The following HELZ variants were observed in gnomAD, a reference collection of about 807,000 sequenced individuals.
The protein encoded by HELZ is ATP-dependent RNA helicase with zinc finger domain.
HELZ carries 23 observed loss-of-function variants against 218.2 expected under a neutral mutation model. The ratio of observed to expected loss-of-function variants is 0.11; its 90% CI spans 0.08 to 0.15. The LOEUF (loss-of-function observed/expected upper bound fraction) is 0.15. Among genes scored for constraint, HELZ ranks in the 10% least tolerant of loss-of-function variants. The pLI is 1.00. For missense variants in HELZ, 1,813 were observed against 2,353.7 expected, an observed-to-expected ratio of 0.77 and a Z score of 4.75; for synonymous variants, 814 against 829.4, an observed-to-expected ratio of 0.98 and a Z score of 0.32.
chr17:67,193,344 C>CAAAA (rs34516607), intron 9 of HELZ, among the ~76,000 whole-genome samples: 36 of 91,774 alleles, frequency 3.9e-4, no homozygotes, highest in East Asian at 1.0e-3. Context: ...GACTCTGTCT[C>CAAAA]AAAAAAAAAA....
intron 7 of HELZ, 58 bp downstream of exon 7, chr17:67,201,071 T>G (rs762231075): frequency 8.0e-7 from 1 of 1,252,742 alleles, no homozygotes; most frequent in Non-Finnish European, 1.2e-6. Flanking sequence ...TAATACATAA[T>G]GCTTACTAGA....
chr17:67,169,711 T>C (rs2039254538), intron 13 of HELZ, among the ~76,000 whole-genome samples: 1 of 152,196 alleles, frequency 6.6e-6, no homozygotes, highest in Non-Finnish European at 1.5e-5. Context: ...CTAAAAGTTT[T>C]AACTCTTTCC....
intron 1 of HELZ, chr17:67,244,505 G>C (rs1221015864): frequency 2.9e-6 from 2 of 693,438 alleles, no homozygotes; most frequent in Non-Finnish European, 3.5e-6. Flanking sequence ...TACTCTCAAG[G>C]AATCTCCAGG....
chr17:67,173,440 G>A (rs1051972757), intron 13 of HELZ, among the ~76,000 whole-genome samples: 6 of 152,086 alleles, frequency 3.9e-5, no homozygotes, highest in Non-Finnish European at 8.8e-5. Context: ...GGGAATGACA[G>A]AATTACAGCC....
intron 28 of HELZ, 105 bp from the exon 29 acceptor site, chr17:67,109,791 T>A: frequency 3.9e-6 from 3 of 776,626 alleles, no homozygotes; most frequent in Non-Finnish European, 6.1e-6. Context: ...TACATTGATA[T>A]CTTCCAGCAG....
At chr17:67,244,589 AG>A in intron 1 of HELZ, 8 of 681,270 alleles carry the variant, frequency 1.2e-5, no homozygotes, top group African/African-American at 2.6e-5. Flanking sequence ...GGGCGGGGAA[AG>A]GGGGGAAGAA....
At chr17:67,225,971 AG>A (rs1484366392) in intron 3 of HELZ, among the ~76,000 whole-genome samples, 1 of 152,190 alleles carries the variant, frequency 6.6e-6, no homozygotes, top group Non-Finnish European at 1.5e-5. Context: ...TGAAATATAA[AG>A]AACTCCCTGA....
At chr17:67,099,153 C>G (rs1015699566) in intron 31 of HELZ, among the ~76,000 whole-genome samples, 1 of 152,070 alleles carries the variant, frequency 6.6e-6, no homozygotes. Flanking sequence ...CTATTCTTAT[C>G]TTTTATTTTC....
At chr17:67,157,385 A>C (rs972495074) in intron 17 of HELZ, among the ~76,000 whole-genome samples, 1 of 152,220 alleles carries the variant, frequency 6.6e-6, no homozygotes, top group Admixed American at 6.5e-5. Context: ...AGTTGAAGCT[A>C]GTAAGAATAC....
chr17:67,090,029 G>A (rs963858471), intron 31 of HELZ, among the ~76,000 whole-genome samples: 2 of 152,052 alleles, frequency 1.3e-5, no homozygotes, highest in Non-Finnish European at 2.9e-5. Flanking sequence ...CATTAAGTAT[G>A]ATGGTAGCTG....
At chr17:67,173,861 C>T (rs2039378614) in intron 13 of HELZ, among the ~76,000 whole-genome samples, 1 of 152,080 alleles carries the variant, frequency 6.6e-6, no homozygotes, top group African/African-American at 2.4e-5. Context: ...AAATGTGCAC[C>T]CCATACTAGG....
Position 67,192,274 on chromosome 17 carries a change from T to C in HELZ, c.557+1693A>G, listed in dbSNP as rs373599121. ...TATAAATAGCAAAAGAGAGATGTTA[T>C]ATTACAGACCATTTTTCAATTGGAA... On this transcript the variant is annotated intron_variant, in intron 9 of 32. Coordinates refer to ENST00000358691, the MANE Select transcript of HELZ (RefSeq NM_014877.4). 2.0e-4 allele frequency among the ~76,000 whole-genome samples: 30 copies of C among 152,244 alleles called. No individual in the cohort carries two copies. In the East Asian group the frequency reaches 3.3e-3, roughly 17 times the overall value.
At chr17:67,089,666 TATAGAGAGAG>T (rs1168253502) in intron 31 of HELZ, among the ~76,000 whole-genome samples, 9 of 54,814 alleles carry the variant, frequency 1.6e-4, no homozygotes, top group Non-Finnish European at 2.8e-4. Flanking sequence ...TATATATATA[TATAGAGAGAG>T]AGAGAGAGAG....
At chr17:67,122,917 A>T in intron 26 of HELZ, 53 bp downstream of exon 26, 1 of 1,338,630 alleles carries the variant, frequency 7.5e-7, no homozygotes, top group Non-Finnish European at 1.0e-6. Context: ...GAACCATTTT[A>T]GTGAAACCTA....
chr17:67,091,235 A>G (rs1194014439), intron 31 of HELZ, among the ~76,000 whole-genome samples: 1 of 152,084 alleles, frequency 6.6e-6, no homozygotes, highest in African/African-American at 2.4e-5. Context: ...TCAAATACAT[A>G]ATGATATCAA....
intron 32 of HELZ, among the ~76,000 whole-genome samples, chr17:67,083,404 G>A (rs928266807): frequency 1.3e-5 from 2 of 152,160 alleles, no homozygotes; most frequent in African/African-American, 4.8e-5. Flanking sequence ...CACTTTGGGA[G>A]GCTGAGGCGG....
At chr17:67,096,210 T>C (rs1450614285) in intron 31 of HELZ, among the ~76,000 whole-genome samples, 1 of 141,826 alleles carries the variant, frequency 7.1e-6, no homozygotes, top group Non-Finnish European at 1.5e-5. Flanking sequence ...AACCATGCTG[T>C]AAATGGATAT....
intron 12 of HELZ, among the ~76,000 whole-genome samples, chr17:67,186,646 A>T (rs975238853): frequency 6.6e-6 from 1 of 152,148 alleles, no homozygotes; most frequent in African/African-American, 2.4e-5. Context: ...TTATATTATT[A>T]ATTAAATATT....
chr17:67,167,809 T>C lies in HELZ; in HGVS notation c.1431-13A>G. The C allele has an allele frequency of 2.0e-6, 3 of 1,529,056 alleles. No homozygotes were observed. The highest frequency in any genetic ancestry group is 2.7e-6 in the Non-Finnish European group (3 of 1,120,830). 94.7% of individuals were successfully genotyped at this position (1,529,056 alleles called of 1,614,324 possible). ...TTTAAGGTTGAACCTAAACCAGAAG[T>C]AGAAAACTAGTTTGAATATTTTACA... On this transcript the variant is annotated splice_polypyrimidine_tract_variant and intron_variant, in intron 13 of 32. Transcript: ENST00000358691.
Sources: gnomAD v4.1 joint callset for allele counts (sites outside exome capture counted in the v4.1 genomes callset) on GRCh38, gnomAD v4.1.1 for gene constraint, MANE v1.5 for transcripts, NCBI Gene and HGNC (gene_info 2026-07-23, HGNC 2026-07-21) for gene names.